Variants in SHLD1 observed in about 807,000 individuals in gnomAD.
The protein encoded by SHLD1 is RINN1-REV7-interacting novel NHEJ regulator 3.
Under a neutral mutation model 5.5 loss-of-function variants are expected in SHLD1, and 3 were observed. The ratio of observed to expected loss-of-function variants is 0.54; its 90% CI spans 0.25 to 1.40. SHLD1 has a LOEUF of 1.40. Among genes scored for constraint, SHLD1 ranks in the 40% most tolerant of loss-of-function variants. The pLI is 0.15. For missense variants in SHLD1, 210 were observed against 244.4 expected (o/e 0.86, Z 0.94); for synonymous variants, 92 against 94.3 (o/e 0.98, Z 0.14).
At chr20:5,793,408 A>T (rs952394021) in intron 2 of SHLD1, among the ~76,000 whole-genome samples, 1 of 152,196 alleles carries the variant, frequency 6.6e-6, no homozygotes, top group African/African-American at 2.4e-5. Flanking sequence ...CTTGCCTTTT[A>T]AAATTCCACA....
intron 2 of SHLD1, among the ~76,000 whole-genome samples, chr20:5,783,834 G>A (rs2087019732): frequency 6.6e-6 from 1 of 152,038 alleles, no homozygotes; most frequent in Non-Finnish European, 1.5e-5. Context: ...CAAAGAAAGG[G>A]TGCCAGAACC....
At chr20:5,807,813 T>C (rs1568512934) in intron 2 of SHLD1, among the ~76,000 whole-genome samples, 5 of 152,320 alleles carry the variant, frequency 3.3e-5, no homozygotes, top group Admixed American at 1.3e-4. Flanking sequence ...AGAGGAAATC[T>C]CTCTTCTTTT....
intron 2 of SHLD1, among the ~76,000 whole-genome samples, chr20:5,780,939 G>A (rs2086982054): frequency 6.6e-6 from 1 of 152,178 alleles, no homozygotes; most frequent in African/African-American, 2.4e-5. Context: ...CAAATTAGTA[G>A]CAAGGACATG....
At chr20:5,758,520 GTGATT>G (rs1984269897) in intron 1 of SHLD1, among the ~76,000 whole-genome samples, 2 of 151,860 alleles carry the variant, frequency 1.3e-5, no homozygotes, top group Non-Finnish European at 1.5e-5. Flanking sequence ...CTGAGTTCAA[GTGATT>G]CTCCTGCCTC....
At chr20:5,831,682 T>C (rs2087730011) in intron 2 of SHLD1, among the ~76,000 whole-genome samples, 1 of 152,148 alleles carries the variant, frequency 6.6e-6, no homozygotes. Flanking sequence ...AGTAGTTGTG[T>C]TGCTTCCCTG....
chr20:5,848,720 C>A (rs1233124784), intron 2 of SHLD1, among the ~76,000 whole-genome samples: 1 of 152,204 alleles, frequency 6.6e-6, no homozygotes, highest in Non-Finnish European at 1.5e-5. Flanking sequence ...CAAATCAGAA[C>A]ATTGGTCTTA....
chr20:5,753,610 G>C (rs1983888908), intron 1 of SHLD1, among the ~76,000 whole-genome samples: 1 of 152,190 alleles, frequency 6.6e-6, no homozygotes, highest in African/African-American at 2.4e-5. Flanking sequence ...GGGATTTCTG[G>C]AAGCCAGGTA....
chr20:5,757,858 C>A (rs911873334), intron 1 of SHLD1, among the ~76,000 whole-genome samples: 3 of 152,218 alleles, frequency 2.0e-5, no homozygotes, highest in Non-Finnish European at 4.4e-5. Context: ...CCGCCTCAGC[C>A]TCCCAAAGTA....
chr20:5,840,598 C>A, intron 2 of SHLD1, among the ~76,000 whole-genome samples: 1 of 152,148 alleles, frequency 6.6e-6, no homozygotes, highest in Non-Finnish European at 1.5e-5. Context: ...TTTGGAGCAA[C>A]ATCTGAACCG....
chr20:5,810,346 G>A (rs77751226), intron 2 of SHLD1, among the ~76,000 whole-genome samples: 2,444 of 152,118 alleles, frequency 0.016, 40 homozygotes, highest in African/African-American at 0.029. Flanking sequence ...AGTGATCTTA[G>A]CATTAGGCTA....
At chr20:5,804,565 G>C (rs1426215498) in intron 2 of SHLD1, among the ~76,000 whole-genome samples, 1 of 152,150 alleles carries the variant, frequency 6.6e-6, no homozygotes, top group Non-Finnish European at 1.5e-5. Flanking sequence ...GAACATTTCA[G>C]TTATGGCCTA....
chr20:5,841,909 T>C (rs926350435), intron 2 of SHLD1, among the ~76,000 whole-genome samples: 9 of 152,262 alleles, frequency 5.9e-5, no homozygotes, highest in Admixed American at 3.3e-4. Context: ...ACGCATGAGC[T>C]GAGTTAGGAA....
chr20:5,764,145 T>A (rs1174507029), intron 1 of SHLD1, among the ~76,000 whole-genome samples: 101 of 53,380 alleles, frequency 1.9e-3, no homozygotes, highest in African/African-American at 7.2e-3. Flanking sequence ...AAAAAATATA[T>A]ATATATTTAT....
intron 2 of SHLD1, among the ~76,000 whole-genome samples, chr20:5,796,110 T>A (rs8183957): frequency 6.6e-6 from 1 of 152,194 alleles, no homozygotes; most frequent in Non-Finnish European, 1.5e-5. Context: ...ACATTCTGGG[T>A]GGTGCTAGAA....
At chr20:5,822,158 T>C (rs183244028) in intron 2 of SHLD1, among the ~76,000 whole-genome samples, 12 of 152,114 alleles carry the variant, frequency 7.9e-5, no homozygotes, top group African/African-American at 2.9e-4. Flanking sequence ...TCTTGAGAGA[T>C]TTAAAGTAAG....
At chr20:5,853,986 T>C (rs1436344173) in intron 2 of SHLD1, among the ~76,000 whole-genome samples, 1 of 151,730 alleles carries the variant, frequency 6.6e-6, no homozygotes, top group Non-Finnish European at 1.5e-5. Flanking sequence ...ACTATAGGCA[T>C]TCACTGCCAT....
At chr20:5,823,012 C>T (rs1160725934) in intron 2 of SHLD1, among the ~76,000 whole-genome samples, 7 of 149,970 alleles carry the variant, frequency 4.7e-5, no homozygotes, top group Non-Finnish European at 8.9e-5. Context: ...GCCCCCACCC[C>T]CATATATACT....
chr20:5,798,843 C>T (rs1291482401), intron 2 of SHLD1, among the ~76,000 whole-genome samples: 1 of 152,058 alleles, frequency 6.6e-6, no homozygotes, highest in African/African-American at 2.4e-5. Context: ...TGGTCTCGAT[C>T]TCCTGACCTC....
chr20:5,815,644 C>G (rs1456679632), intron 2 of SHLD1, among the ~76,000 whole-genome samples: 1 of 152,200 alleles, frequency 6.6e-6, no homozygotes, highest in Non-Finnish European at 1.5e-5. Flanking sequence ...TGGCCCTATA[C>G]AGGAAAAGTT....
Sources: gnomAD v4.1 joint callset for allele counts (sites outside exome capture counted in the v4.1 genomes callset) on GRCh38, gnomAD v4.1.1 for gene constraint, MANE v1.5 for transcripts, NCBI Gene and HGNC (gene_info 2026-07-23, HGNC 2026-07-21) for gene names.